The following MIPOL1 variants were observed in gnomAD, a reference collection of about 807,000 sequenced individuals.
MIPOL1 encodes mirror-image polydactyly gene 1 protein.
A neutral mutation model predicts 60.9 loss-of-function variants in MIPOL1; 57 were observed. The observed-to-expected ratio is 0.94, with a 90% confidence interval of 0.76 to 1.17. The LOEUF is 1.17. Ranked by LOEUF, MIPOL1 falls within the 50% of genes most tolerant of loss-of-function variation. The pLI is 0.00. For synonymous variants in MIPOL1, 179 were observed against 168.8 expected (o/e 1.06, Z -0.47); for missense variants, 551 against 511.6 (o/e 1.08, Z -0.74).
chr14:37,296,234 T>G (rs910945424), intron 7 of MIPOL1, among the ~76,000 whole-genome samples: 4 of 152,040 alleles, frequency 2.6e-5, no homozygotes, highest in African/African-American at 9.7e-5. Flanking sequence ...AAGGCAGAAA[T>G]AAAGATGTTC....
intron 11 of MIPOL1, among the ~76,000 whole-genome samples, chr14:37,438,177 A>G (rs1449985538): frequency 1.3e-5 from 2 of 152,190 alleles, no homozygotes; most frequent in Non-Finnish European, 2.9e-5. Flanking sequence ...GAGAAATTCA[A>G]ATCTAATAAT....
chr14:37,428,540 A>AT (rs1595733643), intron 11 of MIPOL1, among the ~76,000 whole-genome samples: 1 of 151,988 alleles, frequency 6.6e-6, no homozygotes, highest in East Asian at 1.9e-4. Flanking sequence ...GTGGGTGGAG[A>AT]TCACACCAGT....
rs552139631 is a variant in MIPOL1, at chr14:37,207,352, G to T, written c.-199+9248G>T. 2.6e-5 allele frequency among the ~76,000 whole-genome samples: 4 copies of T among 152,040 alleles called. No individual in the cohort carries two copies. The South Asian group carries it at 6.2e-4, about 24-fold the overall frequency. On this transcript the variant is annotated intron_variant, in intron 1 of 12. Coordinates refer to ENST00000684589, the MANE Select transcript of MIPOL1 (RefSeq NM_001388067.1). ...TTCCATGATGATTGTGAGGCCTCTC[G>T]ATCCATGTGGAACTGTGAGTCTATT... is the stretch of plus-strand genomic sequence containing the variant.
chr14:37,455,241 G>T (rs115891686), intron 11 of MIPOL1, among the ~76,000 whole-genome samples: 1 of 152,130 alleles, frequency 6.6e-6, no homozygotes, highest in African/African-American at 2.4e-5. Flanking sequence ...AATATTTGTT[G>T]AATATGTTTT....
chr14:37,355,315 C>T (rs1312899665), intron 9 of MIPOL1, among the ~76,000 whole-genome samples: 4 of 117,632 alleles, frequency 3.4e-5, no homozygotes, highest in Non-Finnish European at 5.3e-5. Flanking sequence ...GGTAACCCAA[C>T]CTTTCTCTCT....
chr14:37,395,388 A>T (rs1566514744), intron 10 of MIPOL1, among the ~76,000 whole-genome samples: 1 of 151,976 alleles, frequency 6.6e-6, no homozygotes, highest in Non-Finnish European at 1.5e-5. Flanking sequence ...TGAGTGTGGG[A>T]TGTGTTTTCA....
intron 11 of MIPOL1, among the ~76,000 whole-genome samples, chr14:37,444,891 ACT>A (rs1454960723): frequency 6.6e-6 from 1 of 152,040 alleles, no homozygotes; most frequent in Non-Finnish European, 1.5e-5. Context: ...CATGCTAAAA[ACT>A]CTCAATAAAT....
Position 37,369,553 on chromosome 14 carries a change from G to C in MIPOL1, c.865G>C (p.Glu289Gln), listed in dbSNP as rs1056353619. Residue 289 changes from glutamate to glutamine, a missense_variant, in exon 10 of 13, where the codon GAG becomes CAG. Transcript: ENST00000684589. The stretch of plus-strand genomic sequence containing the variant: ...AGAGCAGGAGCTTCATCATGTGAAA[G>C]AGCAGAACCAGACTTCAGCAAACAA... ...RLEQELHHVKEQNQTSANNMR... is the reference protein window; with the variant it reads ...RLEQELHHVKQQNQTSANNMR... 16 of 1,613,482 alleles carry C rather than the reference G, an allele frequency of 9.9e-6. No homozygotes were observed. Among genetic ancestry groups the C allele is most frequent in the Non-Finnish European group, 1.4e-5 (16 of 1,179,610 alleles).
At chr14:37,433,846 G>A (rs573706729) in intron 11 of MIPOL1, among the ~76,000 whole-genome samples, 6 of 152,110 alleles carry the variant, frequency 3.9e-5, no homozygotes, top group South Asian at 2.1e-4. Flanking sequence ...ATGAGCCACC[G>A]CACCCGACCC....
intron 7 of MIPOL1, among the ~76,000 whole-genome samples, chr14:37,290,617 A>T (rs1172481349): frequency 3.9e-5 from 6 of 152,152 alleles, no homozygotes; most frequent in Non-Finnish European, 7.3e-5. Context: ...GCAATTGTTC[A>T]TCATTCTTTA....
chr14:37,495,020 G>A (rs2095099706), intron 11 of MIPOL1, among the ~76,000 whole-genome samples: 1 of 151,554 alleles, frequency 6.6e-6, no homozygotes, highest in South Asian at 2.1e-4. Context: ...AGAAAGTGAG[G>A]AGTGATTAGG....
chr14:37,401,785 T>C (rs1371817263), intron 10 of MIPOL1: 1 of 152,140 alleles, frequency 6.6e-6, no homozygotes, highest in Non-Finnish European at 1.5e-5. Flanking sequence ...GAAGGTAGTC[T>C]ATCTGAAAAT....
chr14:37,326,879 A>G (rs1391178273), intron 9 of MIPOL1, among the ~76,000 whole-genome samples: 2 of 152,234 alleles, frequency 1.3e-5, no homozygotes, highest in Non-Finnish European at 2.9e-5. Context: ...TCACATGTGA[A>G]TGCTTTATCT....
intron 12 of MIPOL1, among the ~76,000 whole-genome samples, chr14:37,534,930 C>T (rs559729875): frequency 3.3e-5 from 5 of 151,998 alleles, no homozygotes; most frequent in Admixed American, 1.3e-4. Flanking sequence ...AGATATCTAA[C>T]TTACAAAGTC....
intron 9 of MIPOL1, among the ~76,000 whole-genome samples, chr14:37,326,963 G>GA (rs546993820): frequency 0.012 from 1,795 of 150,340 alleles, 13 homozygotes; most frequent in Middle Eastern, 0.031. Flanking sequence ...AGCAGAAAAT[G>GA]AAAAAAAAAC....
chr14:37,442,953 T>G (rs1267095847), intron 11 of MIPOL1, among the ~76,000 whole-genome samples: 3 of 152,230 alleles, frequency 2.0e-5, no homozygotes, highest in Non-Finnish European at 4.4e-5. Flanking sequence ...TTAACTTCTT[T>G]GTAGAAATTG....
At chr14:37,205,949 G>A (rs73252018) in intron 1 of MIPOL1, among the ~76,000 whole-genome samples, 11,110 of 152,038 alleles carry the variant, frequency 0.073, 1,349 homozygotes, top group African/African-American at 0.25. Flanking sequence ...AAACACATTC[G>A]GTTTTATAAG....
intron 11 of MIPOL1, among the ~76,000 whole-genome samples, chr14:37,444,510 G>T (rs1173989866): frequency 6.6e-6 from 1 of 152,118 alleles, no homozygotes; most frequent in East Asian, 1.9e-4. Flanking sequence ...CTTTACTGTA[G>T]ATATTGACAA....
Position 37,250,278 on chromosome 14 carries a change from T to C in MIPOL1, c.19+2371T>C, listed in dbSNP as rs564268507. ...TTATTAGGAAAAAGGTCAGATGCGG[T>C]GGCTTATGCCTGTAATCCCAGCACT... On this transcript the variant is annotated intron_variant, in intron 3 of 12. Transcript: ENST00000684589. Among the ~76,000 whole-genome samples the C allele has an allele frequency of 2.6e-5, 4 of 152,288 alleles. No homozygotes were observed. The East Asian group carries it at 7.7e-4, about 29-fold the overall frequency.
Sources: allele counts gnomAD v4.1 joint callset (sites outside exome capture counted in the v4.1 genomes callset), GRCh38; gene constraint gnomAD v4.1.1; transcripts MANE v1.5; gene names NCBI Gene and HGNC (gene_info 2026-07-23, HGNC 2026-07-21).